Variants in KCNK5 observed in about 807,000 individuals in gnomAD.
KCNK5 encodes the protein potassium two pore domain channel subfamily K member 5.
Under a neutral mutation model 32.9 loss-of-function variants are expected in KCNK5, and 18 were observed. The observed-to-expected ratio is 0.55, with a 90% CI of 0.38 to 0.81. KCNK5 has a LOEUF of 0.81. KCNK5 is among the 30% of genes least tolerant of loss of function. KCNK5 has a pLI of 0.00. For synonymous variants in KCNK5, 276 were observed against 275.3 expected, an observed-to-expected ratio of 1.00 and a Z score of -0.03; for missense variants, 507 against 651.0, an observed-to-expected ratio of 0.78 and a Z score of 2.41.
In KCNK5 at chr6:39,189,172, G is replaced by A. The variant is rs1379999348; in HGVS notation, c.*1718C>T. ...GGCCTCTGCAAACGGCTAGAGAAGT[G>A]GGGGTGTGGGCACGTGCCCATCACT... On this transcript the variant is annotated 3_prime_UTR_variant, in exon 5 of 5. Coordinates refer to ENST00000359534, the MANE Select transcript of KCNK5 (RefSeq NM_003740.4). 1 of 152,244 alleles carries A rather than the reference G, an allele frequency of 6.6e-6. No individual in the cohort carries two copies. Among genetic ancestry groups the A allele is most frequent in the African/African-American group, 2.4e-5 (1 of 41,464 alleles). 9.4% of individuals were successfully genotyped at this position (152,244 alleles called of 1,614,324 possible).
chr6:39,210,979 T>C (rs1356486773), intron 1 of KCNK5, among the ~76,000 whole-genome samples: 2 of 151,858 alleles, frequency 1.3e-5, no homozygotes, highest in Non-Finnish European at 2.9e-5. Flanking sequence ...CTCCTCCCCT[T>C]CCCCTACTCC....
At chr6:39,227,399 GACGCCC>G (rs1451988338) in intron 1 of KCNK5, among the ~76,000 whole-genome samples, 1 of 152,058 alleles carries the variant, frequency 6.6e-6, no homozygotes, top group African/African-American at 2.4e-5. Flanking sequence ...CCCCAGGGTA[GACGCCC>G]ATCAGAAGGA....
intron 1 of KCNK5, among the ~76,000 whole-genome samples, chr6:39,227,747 AG>A (rs1348956569): frequency 6.6e-6 from 1 of 152,192 alleles, no homozygotes; most frequent in African/African-American, 2.4e-5. Flanking sequence ...ATAAGGAATG[AG>A]GATGGGCTCA....
At chr6:39,217,130 A>G (rs942494510) in intron 1 of KCNK5, among the ~76,000 whole-genome samples, 5 of 121,462 alleles carry the variant, frequency 4.1e-5, no homozygotes, top group African/African-American at 1.9e-4. Context: ...AAAAAAAAAA[A>G]AAAAAAAAAA....
intron 1 of KCNK5, among the ~76,000 whole-genome samples, chr6:39,198,605 T>A (rs1489685961): frequency 3.3e-5 from 5 of 152,228 alleles, no homozygotes; most frequent in Admixed American, 3.3e-4. Context: ...TAGCTGACCA[T>A]GGATCAACAA....
At chr6:39,216,876 C>G (rs1316739509) in intron 1 of KCNK5, among the ~76,000 whole-genome samples, 2 of 152,016 alleles carry the variant, frequency 1.3e-5, no homozygotes, top group African/African-American at 4.8e-5. Flanking sequence ...AATCCCAGCA[C>G]TTTGGGAGGC....
intron 1 of KCNK5, among the ~76,000 whole-genome samples, chr6:39,196,259 C>T (rs914491143): frequency 1.3e-5 from 2 of 152,196 alleles, no homozygotes; most frequent in Admixed American, 1.3e-4. Flanking sequence ...GCACCAGGAT[C>T]ACCTGGAAAT....
intron 1 of KCNK5, among the ~76,000 whole-genome samples, chr6:39,208,846 T>C (rs1281072633): frequency 1.3e-5 from 2 of 152,218 alleles, no homozygotes; most frequent in African/African-American, 2.4e-5. Context: ...TCCCAGCACT[T>C]TGGGAGGCCG....
intron 1 of KCNK5, among the ~76,000 whole-genome samples, chr6:39,209,951 G>T (rs886736183): frequency 9.9e-5 from 15 of 152,224 alleles, no homozygotes; most frequent in Admixed American, 2.0e-4. Flanking sequence ...GAGCAGGAAG[G>T]CTGGTGCATA....
At chr6:39,225,160 G>A (rs369795235) in intron 1 of KCNK5, among the ~76,000 whole-genome samples, 1 of 152,122 alleles carries the variant, frequency 6.6e-6, no homozygotes. Context: ...GTGGGTTTAT[G>A]TATCCTTTTC....
At position 39,190,792 on chromosome 6, in the gene KCNK5, G is replaced by A; in HGVS notation, c.*98C>T. 1 of 1,252,516 alleles carries A rather than the reference G, an allele frequency of 8.0e-7. No individual in the cohort carries two copies. The highest frequency in any genetic ancestry group is 1.1e-6 in the Non-Finnish European group (1 of 948,832). The allele number at this position is 1,252,516 out of a possible 1,614,324, so 77.6% of individuals were successfully genotyped here. A position where few individuals can be genotyped will look rare whatever the true frequency, so the allele number is the denominator to read the frequency against. On this transcript the variant is annotated 3_prime_UTR_variant, in exon 5 of 5. Transcript: ENST00000359534. ...GCCCCCCACTCCCAGTTCCGAGGCT[G>A]CCCCCCCACCAGGGGCCAGGCGTCC...
intron 1 of KCNK5, among the ~76,000 whole-genome samples, chr6:39,215,544 C>G (rs115981194): frequency 3.9e-5 from 6 of 152,158 alleles, no homozygotes; most frequent in Non-Finnish European, 1.5e-5. Context: ...GCATTAGACA[C>G]AAAGGGTACC....
chr6:39,213,705 A>G (rs1447184080), intron 1 of KCNK5, among the ~76,000 whole-genome samples: 1 of 152,166 alleles, frequency 6.6e-6, no homozygotes, highest in East Asian at 1.9e-4. Flanking sequence ...AGATGTGTAC[A>G]CAGGCTGGGT....
chr6:39,194,536 T>A lies in KCNK5; in HGVS notation c.465+58A>T. On this transcript the variant is annotated intron_variant, in intron 3 of 4. Coordinates refer to ENST00000359534, the MANE Select transcript of KCNK5 (RefSeq NM_003740.4). This position sits in a 1 kb window ranked among gnomAD's most constrained non-coding sequence, Gnocchi z 4.7. ...TCCAATTCCTAGAGGCCTCCTGTCC[T>A]CCCCTCACCTGTCATGGTTCCCCCA... 1.3e-6 allele frequency: 2 copies of A among 1,581,530 alleles called. No individual in the cohort carries two copies. Among genetic ancestry groups the A allele is most frequent in the South Asian group, 2.3e-5 (2 of 87,806 alleles).
intron 1 of KCNK5, among the ~76,000 whole-genome samples, chr6:39,225,640 C>A (rs1771659370): frequency 6.6e-6 from 1 of 152,194 alleles, no homozygotes; most frequent in Non-Finnish European, 1.5e-5. Context: ...GGCAACAACA[C>A]AGGAGACGCC....
intron 4 of KCNK5, among the ~76,000 whole-genome samples, chr6:39,192,367 C>T (rs1481131320): frequency 6.7e-6 from 1 of 148,548 alleles, no homozygotes; most frequent in Non-Finnish European, 1.5e-5. Context: ...GGCAATGTAA[C>T]CGACACACAG....
intron 1 of KCNK5, among the ~76,000 whole-genome samples, chr6:39,208,999 G>A (rs1367354073): frequency 6.6e-6 from 1 of 152,164 alleles, no homozygotes; most frequent in Non-Finnish European, 1.5e-5. Flanking sequence ...CTGAAGCAGG[G>A]AGAAGTGCTG....
In KCNK5 at chr6:39,229,391, C is replaced by A. The variant is rs1771730415; in HGVS notation, c.-280G>T. 2.0e-6 allele frequency: 1 copy of A among 492,170 alleles called. No individual in the cohort carries two copies. Among genetic ancestry groups the A allele is most frequent in the African/African-American group, 1.9e-5 (1 of 51,638 alleles). The allele number at this position is 492,170 out of a possible 1,614,324, so 30.5% of individuals were successfully genotyped here. A position where few individuals can be genotyped will look rare whatever the true frequency, so the allele number is the denominator to read the frequency against. ...CCCTGGACCGCGGATGCGTAAGGAG[C>A]GGGAAGAACACAGGACTTGACTCTG... is the stretch of plus-strand genomic sequence containing the variant. On this transcript the variant is annotated 5_prime_UTR_variant, in exon 1 of 5. Coordinates refer to ENST00000359534, the MANE Select transcript of KCNK5 (RefSeq NM_003740.4).
chr6:39,224,897 T>C (rs960788612), intron 1 of KCNK5, among the ~76,000 whole-genome samples: 1 of 152,122 alleles, frequency 6.6e-6, no homozygotes, highest in Non-Finnish European at 1.5e-5. Flanking sequence ...GTTTTTTTTT[T>C]TCTTTAATCT....
Sources: gnomAD v4.1 joint callset for allele counts (sites outside exome capture counted in the v4.1 genomes callset) on GRCh38, gnomAD v4.1.1 for gene constraint, Gnocchi (gnomAD v3.1) non-coding constraint, MANE v1.5 for transcripts, NCBI Gene and HGNC (gene_info 2026-07-23, HGNC 2026-07-21) for gene names.